Variants in KAZN observed in about 807,000 individuals in gnomAD.
The protein encoded by KAZN is kazrin.
A neutral mutation model predicts 87.4 loss-of-function variants in KAZN; 40 were observed. That is an observed-to-expected ratio of 0.46 (90% CI 0.36 to 0.60). KAZN has a LOEUF of 0.60. Ranked by LOEUF, KAZN falls within the 20% of genes least tolerant of loss-of-function variation. The pLI is 0.00. For missense variants in KAZN, 898 were observed against 1,073.9 expected (o/e 0.84, Z 2.29); for synonymous variants, 466 against 458.3 (o/e 1.02, Z -0.22).
chr1:15,102,728 G>A (rs1349936404), intron 11 of KAZN, among the ~76,000 whole-genome samples: 1 of 152,202 alleles, frequency 6.6e-6, no homozygotes, highest in Non-Finnish European at 1.5e-5. Context: ...CCTGCGATAC[G>A]GTGGCGAGAT....
chr1:14,200,670 T>A (rs1646620718), intron 2 of KAZN, among the ~76,000 whole-genome samples: 1 of 152,212 alleles, frequency 6.6e-6, no homozygotes, highest in Non-Finnish European at 1.5e-5. Context: ...TGCAATTGTG[T>A]GTCTATATAC....
chr1:14,402,855 TCTCA>T (rs1330942437), intron 2 of KAZN, among the ~76,000 whole-genome samples: 3 of 149,354 alleles, frequency 2.0e-5, no homozygotes, highest in Non-Finnish European at 4.4e-5. Flanking sequence ...TGAGACAGAG[TCTCA>T]CTCTGTTTCC....
chr1:14,389,608 A>G (rs1281846633), intron 2 of KAZN, among the ~76,000 whole-genome samples: 1 of 152,238 alleles, frequency 6.6e-6, no homozygotes, highest in Non-Finnish European at 1.5e-5. Flanking sequence ...ACAGAAAGTC[A>G]TACTTCACAT....
intron 2 of KAZN, among the ~76,000 whole-genome samples, chr1:14,503,777 A>C (rs1194205355): frequency 1.3e-5 from 2 of 152,052 alleles, no homozygotes; most frequent in African/African-American, 4.8e-5. Context: ...TGTAAGCCAG[A>C]TTTGATGAAC....
chr1:14,418,908 T>C (rs1474625800), intron 2 of KAZN, among the ~76,000 whole-genome samples: 1 of 152,204 alleles, frequency 6.6e-6, no homozygotes, highest in East Asian at 1.9e-4. Context: ...GCAGAAATGA[T>C]GGCTGGATGG....
chr1:14,578,933 C>A (rs1675359318), intron 2 of KAZN, among the ~76,000 whole-genome samples: 1 of 152,132 alleles, frequency 6.6e-6, no homozygotes, highest in Non-Finnish European at 1.5e-5. Flanking sequence ...ATATATACTT[C>A]TTGAAGCTGA....
At chr1:14,119,403 A>G (rs1478405773) in intron 1 of KAZN, among the ~76,000 whole-genome samples, 1 of 152,196 alleles carries the variant, frequency 6.6e-6, no homozygotes, top group Non-Finnish European at 1.5e-5. Context: ...TTGGATGCTA[A>G]GGGGCAGCAA....
chr1:14,883,343 A>AGAGAGAGAGAGAGAGAGAGAGAGAG (rs375634372), intron 1 of KAZN, among the ~76,000 whole-genome samples: 1 of 33,314 alleles, frequency 3.0e-5, no homozygotes. Flanking sequence ...AGAGAGAGAG[A>AGAGAGAGAGAGAGAGAGAGAGAGAG]AAGAAAGAAA....
chr1:14,033,389 A>G (rs1325148256), intron 1 of KAZN, among the ~76,000 whole-genome samples: 2 of 152,180 alleles, frequency 1.3e-5, no homozygotes, highest in African/African-American at 4.8e-5. Flanking sequence ...TGCCACAGTC[A>G]TGGCATGGGG....
At chr1:13,984,192 G>A (rs1051943427) in intron 1 of KAZN, among the ~76,000 whole-genome samples, 1 of 151,782 alleles carries the variant, frequency 6.6e-6, no homozygotes, top group Non-Finnish European at 1.5e-5. Flanking sequence ...TTGTATTTTT[G>A]GTAGAGACGG....
At chr1:14,826,430 A>G (rs559181700) in intron 1 of KAZN, among the ~76,000 whole-genome samples, 1 of 152,308 alleles carries the variant, frequency 6.6e-6, no homozygotes, top group East Asian at 1.9e-4. Context: ...AATTGCACTC[A>G]AGCCTGAGCC....
At position 15,092,922 on chromosome 1, in the gene KAZN, C is replaced by CTT. The variant is rs35897426; in HGVS notation, c.1223-1245_1223-1244dup. Among the ~76,000 whole-genome samples, 143 of 145,024 alleles carry CTT rather than the reference C, an allele frequency of 9.9e-4. 1 individual carries two copies. The highest frequency in any genetic ancestry group is 8.8e-3 in the East Asian group (44 of 4,974). ...GGGTTAGAAAATGTTGGTGGATGAA[C>CTT]TTTTTTTTTTTTTTGGTCTGTGAGG... On this transcript the variant is annotated intron_variant, in intron 8 of 14. Coordinates refer to ENST00000376030, the MANE Select transcript of KAZN (RefSeq NM_201628.3).
intron 2 of KAZN, among the ~76,000 whole-genome samples, chr1:14,994,754 C>A (rs1346823955): frequency 6.6e-6 from 1 of 152,168 alleles, no homozygotes; most frequent in African/African-American, 2.4e-5. Context: ...GTCCTTTTGC[C>A]AGGGACTCAG....
intron 4 of KAZN, among the ~76,000 whole-genome samples, chr1:15,047,379 G>C (rs1464916348): frequency 6.6e-6 from 1 of 152,216 alleles, no homozygotes; most frequent in Non-Finnish European, 1.5e-5. Context: ...AAGCAGCTCT[G>C]CTCTGCCAGT....
At chr1:14,891,193 G>A (rs113114377) in intron 1 of KAZN, among the ~76,000 whole-genome samples, 4,722 of 152,096 alleles carry the variant, frequency 0.031, 210 homozygotes, top group African/African-American at 0.096. Flanking sequence ...TTTGGGGAAC[G>A]GGCGGTGTCT....
At chr1:15,045,841 C>T (rs192751224) in intron 4 of KAZN, among the ~76,000 whole-genome samples, 164 of 152,264 alleles carry the variant, frequency 1.1e-3, no homozygotes, top group African/African-American at 3.4e-3. Flanking sequence ...ATCACTATCA[C>T]GAGAACAGCA....
intron 2 of KAZN, among the ~76,000 whole-genome samples, chr1:14,263,416 T>C (rs2100658007): frequency 6.6e-6 from 1 of 152,352 alleles, no homozygotes; most frequent in Middle Eastern, 3.4e-3. Context: ...TGTCAGCCTC[T>C]AATCTAATTA....
Position 13,993,320 on chromosome 1 carries a change from T to G in KAZN, c.91+99564T>G, listed in dbSNP as rs113554579. ...TAATGACTGTAAGTCCTAGGCTGAT[T>G]GATACATATACAGTCAGTTAAAGGA... is the stretch of plus-strand genomic sequence containing the variant. On this transcript the variant is annotated intron_variant, in intron 1 of 16. Coordinates refer to the KAZN transcript ENST00000636203. Among the ~76,000 whole-genome samples the G allele has an allele frequency of 4.4e-3, 665 of 152,292 alleles. 6 individuals carry two copies. The highest frequency in any genetic ancestry group is 0.015 in the African/African-American group (623 of 41,572).
rs58491688 is a variant in KAZN at position 14,373,198 on chromosome 1, A to AATATATATAT, written c.249+192625_249+192634dup. ...TTGTTAGGGTTCTCCTGAAAAACTG[A>AATATATATAT]ATATATATATATATATATATATATA... On this transcript the variant is annotated intron_variant, in intron 2 of 16. Transcript: ENST00000636203. Among the ~76,000 whole-genome samples, 1,176 of 149,046 alleles carry AATATATATAT rather than the reference A, an allele frequency of 7.9e-3. 15 individuals are homozygous for AATATATATAT. Among genetic ancestry groups the AATATATATAT allele is most frequent in the South Asian group, 0.04 (182 of 4,514 alleles).
Sources: allele counts gnomAD v4.1 joint callset (sites outside exome capture counted in the v4.1 genomes callset), GRCh38; gene constraint gnomAD v4.1.1; transcripts MANE v1.5; gene names NCBI Gene and HGNC (gene_info 2026-07-23, HGNC 2026-07-21).